Variants in TCERG1L observed in about 807,000 individuals in gnomAD.
TCERG1L encodes transcription elongation regulator 1-like protein.
Under a neutral mutation model 56.3 loss-of-function variants are expected in TCERG1L, and 37 were observed. The ratio of observed to expected loss-of-function variants is 0.66; its 90% CI spans 0.51 to 0.87. TCERG1L has a LOEUF of 0.87. Ranked by LOEUF, TCERG1L falls within the 40% of genes least tolerant of loss-of-function variation. TCERG1L has a pLI of 0.00. For missense variants in TCERG1L, 799 were observed against 774.2 expected, an observed-to-expected ratio of 1.03 and a Z score of -0.38; for synonymous variants, 324 against 326.3, an observed-to-expected ratio of 0.99 and a Z score of 0.08.
rs1845404445 is a variant in TCERG1L, at chr10:131,110,788, A to G, written c.1395+6011T>C. On this transcript the variant is annotated intron_variant, in intron 9 of 11. Transcript: ENST00000368642. ...TCCAGTGGACGCGTCAGCCCTGAGA[A>G]AAGGGGGTTCAATTCAAGTAAAGTG... 2.0e-5 allele frequency among the ~76,000 whole-genome samples: 3 copies of G among 147,074 alleles called. 1 individual carries two copies. Among genetic ancestry groups the G allele is most frequent in the East Asian group, 4.4e-4 (2 of 4,590 alleles).
At chr10:131,277,550 T>C (rs757499902) in intron 3 of TCERG1L, among the ~76,000 whole-genome samples, 15 of 152,198 alleles carry the variant, frequency 9.9e-5, no homozygotes, top group Admixed American at 4.6e-4. Context: ...AATGACGTTT[T>C]TGGAACCCTC....
At chr10:131,236,046 T>C (rs1398981391) in intron 4 of TCERG1L, among the ~76,000 whole-genome samples, 1 of 152,196 alleles carries the variant, frequency 6.6e-6, no homozygotes, top group Non-Finnish European at 1.5e-5. Context: ...GCTCACCTAG[T>C]GTGTGTGCCA....
chr10:131,222,828 A>G (rs1052954788), intron 4 of TCERG1L, among the ~76,000 whole-genome samples: 2 of 152,134 alleles, frequency 1.3e-5, no homozygotes, highest in African/African-American at 2.4e-5. Context: ...GAGGGTCATG[A>G]GAGAAGGCTG....
intron 9 of TCERG1L, among the ~76,000 whole-genome samples, chr10:131,107,714 C>T (rs906438732): frequency 2.7e-5 from 4 of 150,942 alleles, no homozygotes; most frequent in African/African-American, 7.3e-5. Context: ...CATGGGGCCA[C>T]GATTGCACAC....
chr10:131,297,015 T>C (rs983849821), intron 3 of TCERG1L, among the ~76,000 whole-genome samples: 1 of 152,244 alleles, frequency 6.6e-6, no homozygotes, highest in Non-Finnish European at 1.5e-5. Context: ...TATATCGTCA[T>C]TTGTCTGCAC....
intron 4 of TCERG1L, among the ~76,000 whole-genome samples, chr10:131,237,702 G>A (rs1252590564): frequency 2.0e-5 from 3 of 152,198 alleles, no homozygotes; most frequent in Non-Finnish European, 4.4e-5. Context: ...TGTACCTCTT[G>A]GCTTGAGAAG....
intron 6 of TCERG1L, among the ~76,000 whole-genome samples, chr10:131,155,422 G>A (rs556527186): frequency 3.3e-4 from 50 of 152,340 alleles, no homozygotes; most frequent in African/African-American, 1.1e-3. Context: ...ACAAGTCCCC[G>A]GAGGCTTGCC....
At chr10:131,144,969 C>G (rs1302134810) in intron 7 of TCERG1L, among the ~76,000 whole-genome samples, 2 of 152,310 alleles carry the variant, frequency 1.3e-5, no homozygotes, top group East Asian at 3.9e-4. Flanking sequence ...CAGACCTGAC[C>G]TGATTTGGTC....
chr10:131,099,477 T>C (rs1487228282), intron 10 of TCERG1L, among the ~76,000 whole-genome samples: 1 of 152,134 alleles, frequency 6.6e-6, no homozygotes, highest in African/African-American at 2.4e-5. Flanking sequence ...CAAGAGAAAG[T>C]CCACATAGGA....
At chr10:131,109,459 ACTGTGG>A (rs905545338) in intron 9 of TCERG1L, among the ~76,000 whole-genome samples, 2 of 151,526 alleles carry the variant, frequency 1.3e-5, no homozygotes, top group African/African-American at 4.9e-5. Flanking sequence ...TGTGTCTGTG[ACTGTGG>A]CTGTGTCTGT....
intron 3 of TCERG1L, among the ~76,000 whole-genome samples, chr10:131,302,985 C>T (rs949447954): frequency 6.6e-6 from 1 of 151,992 alleles, no homozygotes; most frequent in Admixed American, 6.6e-5. Context: ...GCATAGTATT[C>T]CACGGTGTAT....
intron 3 of TCERG1L, among the ~76,000 whole-genome samples, chr10:131,281,372 T>C (rs1474334621): frequency 6.6e-6 from 1 of 151,824 alleles, no homozygotes; most frequent in African/African-American, 2.4e-5. Flanking sequence ...ATGGACTAAT[T>C]AGATCAAAGG....
At chr10:131,176,919 C>T (rs1207097641) in intron 4 of TCERG1L, among the ~76,000 whole-genome samples, 1 of 912 alleles carries the variant, frequency 1.1e-3, no homozygotes, top group Non-Finnish European at 2.5e-3. Flanking sequence ...CACCAAGATA[C>T]ATGCACACAG....
At chr10:131,147,942 G>A (rs1306810661) in intron 6 of TCERG1L, among the ~76,000 whole-genome samples, 1 of 152,206 alleles carries the variant, frequency 6.6e-6, no homozygotes, top group Non-Finnish European at 1.5e-5. Context: ...CACGTTCCAT[G>A]GGCCAGGCAG....
In TCERG1L at chr10:131,213,610, C is replaced by T. The variant is rs1456912041; in HGVS notation, c.856+46649G>A. The stretch of plus-strand genomic sequence containing the variant: ...GGAATGGGGACAACCCAAGCTATCT[C>T]CAGCACTGCTGTGGAGATGCAGCTA... On this transcript the variant is annotated intron_variant, in intron 4 of 11. Coordinates refer to ENST00000368642, the MANE Select transcript of TCERG1L (RefSeq NM_174937.4). 2.0e-5 allele frequency among the ~76,000 whole-genome samples: 3 copies of T among 152,206 alleles called. No homozygotes were observed. The East Asian group carries it at 5.8e-4, about 29-fold the overall frequency.
chr10:131,309,827 T>C (rs1846860270), intron 1 of TCERG1L, among the ~76,000 whole-genome samples: 1 of 96,590 alleles, frequency 1.0e-5, no homozygotes, highest in Non-Finnish European at 2.1e-5. Flanking sequence ...ACAAATAGAT[T>C]CTATGGCAAA....
intron 3 of TCERG1L, among the ~76,000 whole-genome samples, chr10:131,275,020 G>C (rs138997702): frequency 6.6e-6 from 1 of 151,996 alleles, no homozygotes; most frequent in South Asian, 2.1e-4. Flanking sequence ...TCCTGATCTC[G>C]GGCCACTGAC....
At chr10:131,169,497 C>T (rs1846066270) in intron 4 of TCERG1L, among the ~76,000 whole-genome samples, 1 of 152,176 alleles carries the variant, frequency 6.6e-6, no homozygotes, top group Admixed American at 6.5e-5. Context: ...CAGCACTCCA[C>T]ATATTTCACG....
intron 4 of TCERG1L, among the ~76,000 whole-genome samples, chr10:131,238,872 G>A (rs998736906): frequency 6.6e-6 from 1 of 152,202 alleles, no homozygotes; most frequent in Non-Finnish European, 1.5e-5. Flanking sequence ...ACCGTGCAGA[G>A]GGGGATCTGT....
Sources: gnomAD v4.1 joint callset for allele counts (sites outside exome capture counted in the v4.1 genomes callset) on GRCh38, gnomAD v4.1.1 for gene constraint, MANE v1.5 for transcripts, NCBI Gene and HGNC (gene_info 2026-07-23, HGNC 2026-07-21) for gene names.